Variants in ATP6V1H observed in about 807,000 individuals in gnomAD.
The protein encoded by ATP6V1H is ATPase H+ transporting V1 subunit H, also known as V-type proton ATPase subunit H.
A neutral mutation model predicts 71.7 loss-of-function variants in ATP6V1H; 39 were observed. The observed-to-expected ratio is 0.54, with a 90% CI of 0.42 to 0.71. The LOEUF is 0.71. Among genes scored for constraint, ATP6V1H ranks in the 30% least tolerant of loss-of-function variants. The pLI is 0.00. For missense variants in ATP6V1H, 509 were observed against 594.9 expected (o/e 0.86, Z 1.50); for synonymous variants, 192 against 199.3 (o/e 0.96, Z 0.31).
intron 11 of ATP6V1H, among the ~76,000 whole-genome samples, chr8:53,768,118 C>T (rs147459689): frequency 6.6e-6 from 1 of 152,138 alleles, no homozygotes; most frequent in African/African-American, 2.4e-5. Context: ...AAAAAATGAG[C>T]CAAGCATCTG....
chr8:53,764,740 G>A (rs1563455408), intron 11 of ATP6V1H, among the ~76,000 whole-genome samples: 2 of 152,142 alleles, frequency 1.3e-5, no homozygotes, highest in Non-Finnish European at 2.9e-5. Context: ...AGGATACAAG[G>A]TACATCTATG....
chr8:53,725,308 G>T (rs1289856809), intron 13 of ATP6V1H, among the ~76,000 whole-genome samples: 1 of 151,984 alleles, frequency 6.6e-6, no homozygotes, highest in Admixed American at 6.6e-5. Context: ...TGCCACCGTG[G>T]GACTCTACAG....
intron 13 of ATP6V1H, among the ~76,000 whole-genome samples, chr8:53,719,080 T>TGTATTAAAA: frequency 6.6e-6 from 1 of 152,242 alleles, no homozygotes; most frequent in Admixed American, 6.5e-5. Flanking sequence ...AACTGAACTG[T>TGTATTAAAA]GGCTCCACTG....
intron 13 of ATP6V1H, among the ~76,000 whole-genome samples, chr8:53,736,250 T>G (rs1044924412): frequency 2.0e-5 from 3 of 152,142 alleles, no homozygotes; most frequent in Admixed American, 1.3e-4. Flanking sequence ...CAGCAGCATT[T>G]CCAAGTCTTT....
chr8:53,747,339 T>C (rs923363344), intron 12 of ATP6V1H, among the ~76,000 whole-genome samples: 2 of 152,210 alleles, frequency 1.3e-5, no homozygotes, highest in Non-Finnish European at 2.9e-5. Flanking sequence ...TCTAGAGTTA[T>C]AAATTCAATG....
intron 13 of ATP6V1H, among the ~76,000 whole-genome samples, chr8:53,729,601 T>G (rs1806944556): frequency 6.6e-6 from 1 of 152,138 alleles, no homozygotes; most frequent in African/African-American, 2.4e-5. Context: ...CACCCTGCTG[T>G]GGGGAGGAAG....
intron 8 of ATP6V1H, among the ~76,000 whole-genome samples, chr8:53,796,077 G>A (rs561622719): frequency 4.6e-5 from 7 of 152,070 alleles, no homozygotes; most frequent in Non-Finnish European, 8.8e-5. Flanking sequence ...CCTGCTGTGC[G>A]GCAAGAAGAA....
In ATP6V1H at chr8:53,805,692, T is replaced by C. The variant is rs527561920; in HGVS notation, c.580-3796A>G. On this transcript the variant is annotated intron_variant, in intron 7 of 13. Transcript: ENST00000359530. ...ATAAAGGTATACATCTGCCAAAAGATATGTACAAGAATGTTCACAGCAAAA... is the reference window on the plus strand; with the variant it reads ...ATAAAGGTATACATCTGCCAAAAGACATGTACAAGAATGTTCACAGCAAAA... Among the ~76,000 whole-genome samples, 6 of 152,274 alleles carry C rather than the reference T, an allele frequency of 3.9e-5. No individual in the cohort carries two copies. In the South Asian group the frequency reaches 1.0e-3, roughly 26 times the overall value.
intron 8 of ATP6V1H, among the ~76,000 whole-genome samples, chr8:53,800,186 T>C (rs1809862851): frequency 6.6e-6 from 1 of 152,162 alleles, no homozygotes; most frequent in Non-Finnish European, 1.5e-5. Flanking sequence ...GAAGAGAGCA[T>C]AAGGGAGCCT....
chr8:53,764,615 C>T (rs1808385406), intron 11 of ATP6V1H, among the ~76,000 whole-genome samples: 1 of 151,992 alleles, frequency 6.6e-6, no homozygotes, highest in African/African-American at 2.4e-5. Flanking sequence ...TCCCTAAGAT[C>T]AGAAGCAACG....
chr8:53,760,938 T>C (rs1206354142), intron 11 of ATP6V1H, among the ~76,000 whole-genome samples: 1 of 152,226 alleles, frequency 6.6e-6, no homozygotes, highest in Non-Finnish European at 1.5e-5. Flanking sequence ...GAAGCCTCTT[T>C]AAAATATTTC....
intron 11 of ATP6V1H, 97 bp from the exon 12 acceptor site, chr8:53,756,753 C>T (rs372255570): frequency 1.4e-6 from 1 of 723,408 alleles, no homozygotes; most frequent in East Asian, 2.8e-5. Context: ...TGAAAATAGA[C>T]ATTTATTAAT....
rs1218541489 is a variant in ATP6V1H, at chr8:53,756,428, G to A, written c.1277+127C>T. ...GGTTTATCATAATTCTCACTATTGT[G>A]GCAATCTTGATTTCATTTGCTTTGT... On this transcript the variant is annotated intron_variant, in intron 12 of 13. Coordinates refer to ENST00000359530, the MANE Select transcript of ATP6V1H (RefSeq NM_015941.4). The A allele has an allele frequency of 9.9e-5, 66 of 667,728 alleles. No homozygotes were observed. The Admixed American group carries it at 1.9e-3, about 19-fold the overall frequency. 41.4% of individuals were successfully genotyped at this position (667,728 alleles called of 1,614,324 possible). A position where few individuals can be genotyped will look rare whatever the true frequency, so the allele number is the denominator to read the frequency against.
At chr8:53,752,725 A>AT (rs1807844018) in intron 12 of ATP6V1H, among the ~76,000 whole-genome samples, 1 of 151,930 alleles carries the variant, frequency 6.6e-6, no homozygotes, top group South Asian at 2.1e-4. Context: ...TAATTTTTCT[A>AT]TTTTTAGTAG....
At chr8:53,829,360 G>T in intron 4 of ATP6V1H, 84 bp downstream of exon 4, 2 of 831,826 alleles carry the variant, frequency 2.4e-6, no homozygotes, top group Non-Finnish European at 4.0e-6. Flanking sequence ...AATGTTCTAA[G>T]TGAAATCTCA....
At chr8:53,757,530 A>G (rs1808115753) in intron 11 of ATP6V1H, among the ~76,000 whole-genome samples, 1 of 152,224 alleles carries the variant, frequency 6.6e-6, no homozygotes, top group Admixed American at 6.5e-5. Flanking sequence ...AAACTTCTCA[A>G]TTCATTCTAA....
chr8:53,812,539 G>A (rs569685124), intron 6 of ATP6V1H, among the ~76,000 whole-genome samples: 8 of 152,304 alleles, frequency 5.3e-5, no homozygotes, highest in African/African-American at 1.9e-4. Flanking sequence ...ATTCCTAGGA[G>A]GAAAAGTTTA....
At chr8:53,775,151 C>T (rs1808819953) in intron 9 of ATP6V1H, among the ~76,000 whole-genome samples, 1 of 152,120 alleles carries the variant, frequency 6.6e-6, no homozygotes, top group South Asian at 2.1e-4. Flanking sequence ...AGCTGCAGAC[C>T]TTCGCGGTGA....
At chr8:53,739,552 C>T (rs186013036) in intron 13 of ATP6V1H, 10 of 152,312 alleles carry the variant, frequency 6.6e-5, no homozygotes, top group Admixed American at 1.3e-4. Flanking sequence ...CCTCTACCTA[C>T]AAAAGTCAGT....
Sources: allele counts gnomAD v4.1 joint callset (sites outside exome capture counted in the v4.1 genomes callset), GRCh38; gene constraint gnomAD v4.1.1; transcripts MANE v1.5; gene names NCBI Gene and HGNC (gene_info 2026-07-23, HGNC 2026-07-21).